CDC14A: variants seen among roughly 807,000 people sequenced by gnomAD.
CDC14A encodes the protein dual specificity protein phosphatase CDC14A.
Under a neutral mutation model 74.4 loss-of-function variants are expected in CDC14A, and 53 were observed. The observed-to-expected ratio is 0.71, with a 90% CI of 0.57 to 0.89. The LOEUF is 0.89. Among genes scored for constraint, CDC14A ranks in the 40% least tolerant of loss-of-function variants. The pLI, the probability that CDC14A is intolerant of heterozygous loss-of-function variation, is 0.00. For synonymous variants in CDC14A, 247 were observed against 258.4 expected, an observed-to-expected ratio of 0.96 and a Z score of 0.43; for missense variants, 646 against 713.7, an observed-to-expected ratio of 0.91 and a Z score of 1.08.
In CDC14A at chr1:100,519,246, C is replaced by A. The variant is rs1019374228; in HGVS notation, c.*966C>A. ...GTTTTAAATCAATGGAGAGAAAAAA[C>A]TGAAAAAGATGCTGCTAAGTAGTTC... On this transcript the variant is annotated 3_prime_UTR_variant, in exon 16 of 16. Transcript: ENST00000336454. 1.3e-5 allele frequency: 2 copies of A among 151,982 alleles called. No homozygotes were observed. The highest frequency in any genetic ancestry group is 4.8e-5 in the African/African-American group (2 of 41,380). The allele number at this position is 151,982 out of a possible 1,614,324, so 9.4% of individuals were successfully genotyped here. A position where few individuals can be genotyped will look rare whatever the true frequency, so the allele number is the denominator to read the frequency against.
intron 9 of CDC14A, among the ~76,000 whole-genome samples, chr1:100,467,329 C>T (rs1283327591): frequency 6.6e-6 from 1 of 152,128 alleles, no homozygotes; most frequent in Non-Finnish European, 1.5e-5. Flanking sequence ...AAGGTCCCCT[C>T]AAAAGCAGAA....
At chr1:100,440,232 G>C (rs1368497350) in intron 6 of CDC14A, among the ~76,000 whole-genome samples, 1 of 152,186 alleles carries the variant, frequency 6.6e-6, no homozygotes, top group Non-Finnish European at 1.5e-5. Context: ...TTCCAGGGCA[G>C]ATTTATCACC....
chr1:100,437,178 CCT>C (rs1354163007), intron 5 of CDC14A, among the ~76,000 whole-genome samples: 1 of 151,812 alleles, frequency 6.6e-6, no homozygotes, highest in Non-Finnish European at 1.5e-5. Context: ...AGAGTGAGAC[CCT>C]GTTTCAAAGA....
At chr1:100,416,688 C>A (rs918503039) in intron 4 of CDC14A, among the ~76,000 whole-genome samples, 1 of 152,108 alleles carries the variant, frequency 6.6e-6, no homozygotes, top group Non-Finnish European at 1.5e-5. Flanking sequence ...GGAAAAAAAA[C>A]ATTTTGGGAC....
chr1:100,393,026 T>C, intron 4 of CDC14A: 5 of 1,356,224 alleles, frequency 3.7e-6, no homozygotes, highest in Non-Finnish European at 5.2e-6. Context: ...CCCGCGAAAT[T>C]GTCTTTTCAG....
chr1:100,445,614 C>G (rs1030683920), intron 7 of CDC14A, among the ~76,000 whole-genome samples: 7 of 152,132 alleles, frequency 4.6e-5, no homozygotes, highest in Non-Finnish European at 1.0e-4. Flanking sequence ...TTATTCCTTC[C>G]TTCCTTCCTC....
Position 100,400,995 on chromosome 1 carries a change from A to G in CDC14A, c.309+10171A>G, listed in dbSNP as rs559145776. On this transcript the variant is annotated intron_variant, in intron 4 of 15. Coordinates refer to ENST00000336454, the MANE Select transcript of CDC14A (RefSeq NM_003672.4). ...ATACATACTCACTGCATTTAGTACT[A>G]TATATTTAGTAGGGATGCACTGTGT... Among the ~76,000 whole-genome samples, 41 of 152,238 alleles carry G rather than the reference A, an allele frequency of 2.7e-4. 1 individual carries two copies. The South Asian group carries it at 5.4e-3, about 20-fold the overall frequency.
chr1:100,448,099 A>G (rs1296904491), intron 7 of CDC14A, among the ~76,000 whole-genome samples: 1 of 152,142 alleles, frequency 6.6e-6, no homozygotes, highest in Non-Finnish European at 1.5e-5. Flanking sequence ...GCAACATCGG[A>G]GGTTCCTCAT....
chr1:100,432,933 G>C (rs1167346947), intron 5 of CDC14A, among the ~76,000 whole-genome samples: 1 of 152,166 alleles, frequency 6.6e-6, no homozygotes, highest in African/African-American at 2.4e-5. Flanking sequence ...CTGTTAGCAG[G>C]CTGGGGTGCA....
intron 12 of CDC14A, 116 bp downstream of exon 12, chr1:100,495,046 T>G (rs1647582617): frequency 3.3e-6 from 2 of 610,652 alleles, no homozygotes; most frequent in Admixed American, 6.3e-5. Context: ...AAATACTAAG[T>G]TTACTATTTT....
At position 100,462,829 on chromosome 1, in the gene CDC14A, G is replaced by A; in HGVS notation, c.786G>A (p.Arg262=). 7 of 1,614,026 alleles carry A rather than the reference G, an allele frequency of 4.3e-6. No individual in the cohort carries two copies. The highest frequency in any genetic ancestry group is 5.9e-6 in the Non-Finnish European group (7 of 1,179,992). ...CACCCAGTGACAACATCGTGCGAAGGTTCCTGAACATCTGTGAGAACACCG... is the reference window on the plus strand; with the variant it reads ...CACCCAGTGACAACATCGTGCGAAGATTCCTGAACATCTGTGAGAACACCG... ...GSTPSDNIVR[R]FLNICENTEG... The change falls in exon 9 of 16, where the codon AGG becomes AGA. Residue 262 remains arginine, a synonymous_variant. Transcript: ENST00000336454.
chr1:100,361,525 A>G (rs1652748781), intron 2 of CDC14A, among the ~76,000 whole-genome samples: 1 of 152,202 alleles, frequency 6.6e-6, no homozygotes, highest in African/African-American at 2.4e-5. Context: ...ATGTCCCAAC[A>G]CCTAGCACTG....
chr1:100,369,034 A>C (rs1308706113), intron 2 of CDC14A, among the ~76,000 whole-genome samples: 4 of 151,378 alleles, frequency 2.6e-5, no homozygotes, highest in Non-Finnish European at 5.9e-5. Context: ...GGCTGGACTA[A>C]TTTAGATTCC....
chr1:100,485,185 T>C, intron 11 of CDC14A: 1 of 985,362 alleles, frequency 1.0e-6, no homozygotes, highest in Non-Finnish European at 1.2e-6. Context: ...ATTTGTTTGG[T>C]TCCACTATTG....
intron 2 of CDC14A, among the ~76,000 whole-genome samples, chr1:100,360,357 T>G (rs1652579416): frequency 6.6e-6 from 1 of 151,558 alleles, no homozygotes; most frequent in Non-Finnish European, 1.5e-5. Context: ...TCTTTTTTTT[T>G]TTTTGAAACA....
chr1:100,466,672 A>T (rs1051140999), intron 9 of CDC14A, among the ~76,000 whole-genome samples: 1 of 152,118 alleles, frequency 6.6e-6, no homozygotes, highest in Non-Finnish European at 1.5e-5. Flanking sequence ...GGACTTCGAG[A>T]CCAGACTGAC....
intron 4 of CDC14A, among the ~76,000 whole-genome samples, chr1:100,420,082 A>ATATATATATATATATGTGT (rs58124351): frequency 9.5e-5 from 10 of 105,548 alleles, no homozygotes; most frequent in African/African-American, 3.0e-4. Context: ...ATATATATAT[A>ATATATATATATATATGTGT]GTGTGTATGT....
chr1:100,425,451 A>G (rs916965584), intron 5 of CDC14A, among the ~76,000 whole-genome samples: 1 of 152,188 alleles, frequency 6.6e-6, no homozygotes, highest in Non-Finnish European at 1.5e-5. Flanking sequence ...TATACTTAAA[A>G]GCACTTTTAG....
At chr1:100,412,451 G>C (rs1660836665) in intron 4 of CDC14A, among the ~76,000 whole-genome samples, 1 of 151,550 alleles carries the variant, frequency 6.6e-6, no homozygotes, top group African/African-American at 2.4e-5. Context: ...GAATTACCTG[G>C]TGTGTAGAAC....
Sources: gnomAD v4.1 joint callset for allele counts (sites outside exome capture counted in the v4.1 genomes callset) on GRCh38, gnomAD v4.1.1 for gene constraint, MANE v1.5 for transcripts, NCBI Gene and HGNC (gene_info 2026-07-23, HGNC 2026-07-21) for gene names.